ZCWPW1: variants seen among roughly 807,000 people sequenced by gnomAD.
ZCWPW1 encodes zinc finger CW-type PWWP domain protein 1.
A neutral mutation model predicts 81.3 loss-of-function variants in ZCWPW1; 56 were observed. The ratio of observed to expected loss-of-function variants is 0.69; its 90% CI spans 0.56 to 0.86. ZCWPW1 has a LOEUF of 0.86. Among genes scored for constraint, ZCWPW1 ranks in the 40% least tolerant of loss-of-function variants. The pLI is 0.00. For missense variants in ZCWPW1, 650 were observed against 769.8 expected (o/e 0.84, Z 1.84); for synonymous variants, 250 against 273.7 (o/e 0.91, Z 0.86).
intron 1 of ZCWPW1, among the ~76,000 whole-genome samples, chr7:100,425,975 C>A (rs575832938): frequency 9.8e-5 from 15 of 152,308 alleles, no homozygotes; most frequent in Admixed American, 7.8e-4. Flanking sequence ...AGTTTGAGAA[C>A]TGACCTAGTG....
At chr7:100,425,607 C>T (rs1220402297) in intron 1 of ZCWPW1, among the ~76,000 whole-genome samples, 1 of 152,196 alleles carries the variant, frequency 6.6e-6, no homozygotes, top group East Asian at 1.9e-4. Context: ...TTTCCAACTA[C>T]CTATCTGTAT....
chr7:100,427,579 G>T (rs1797882914), intron 1 of ZCWPW1, among the ~76,000 whole-genome samples: 1 of 151,770 alleles, frequency 6.6e-6, no homozygotes, highest in South Asian at 2.1e-4. Flanking sequence ...GGCGCCTGTA[G>T]TCCCAGCTCC....
rs1796221478 is a variant in ZCWPW1 at position 100,420,826 on chromosome 7, AG to A, written c.-29-149del. 2.8e-5 allele frequency: 19 copies of A among 689,846 alleles called. 1 individual carries two copies. The South Asian group carries it at 3.3e-4, about 12-fold the overall frequency. The allele number at this position is 689,846 out of a possible 1,614,324, so 42.7% of individuals were successfully genotyped here. A position where few individuals can be genotyped will look rare whatever the true frequency, so the allele number is the denominator to read the frequency against. On this transcript the variant is annotated intron_variant, in intron 2 of 17. Coordinates refer to ENST00000684423, the MANE Select transcript of ZCWPW1 (RefSeq NM_001386010.1). ...TCCTCTGTGGTGCCAATTACACACC[AG>A]GGAATAATGAGTTACTGTTTTAAAG...
chr7:100,406,899 G>A (rs948334170), intron 11 of ZCWPW1, 101 bp from the exon 12 acceptor site: 16 of 1,061,526 alleles, frequency 1.5e-5, no homozygotes, highest in African/African-American at 1.4e-4. Flanking sequence ...CCAGAAGGAG[G>A]TGCTGGGCCT....
chr7:100,411,086 T>C (rs1017912617), intron 8 of ZCWPW1, among the ~76,000 whole-genome samples: 2 of 152,160 alleles, frequency 1.3e-5, no homozygotes, highest in Non-Finnish European at 2.9e-5. Flanking sequence ...ATATTCACTA[T>C]TTATTTATCA....
Position 100,401,740 on chromosome 7 carries a change from G to A in ZCWPW1, c.1627+149C>T, listed in dbSNP as rs529746415. The A allele has an allele frequency of 6.8e-6, 7 of 1,037,012 alleles. No individual in the cohort carries two copies. The South Asian group carries it at 1.0e-4, about 15-fold the overall frequency. The allele number at this position is 1,037,012 out of a possible 1,614,324, so 64.2% of individuals were successfully genotyped here. On this transcript the variant is annotated intron_variant, in intron 17 of 17. Transcript: ENST00000684423. ...TCATTCTGTTTCTATAGTGTGTGCT[G>A]GGTGCAGTCCGAGACGCTCTTTCAT...
At position 100,405,032 on chromosome 7, in the gene ZCWPW1, G is replaced by T; in HGVS notation, c.1235C>A (p.Ala412Glu). ...LGVALMMAQE[A>E]EQISIQERVN... ...TCCCACCTGAATGCTGATCTGTTCTGCCTCTTGAGCCATCATCAGGGCCAC... is the reference window on the plus strand; with the variant it reads ...TCCCACCTGAATGCTGATCTGTTCTTCCTCTTGAGCCATCATCAGGGCCAC... The change falls in exon 13 of 18, where the codon GCA becomes GAA. Residue 412 changes from alanine to glutamate, a missense_variant. Physicochemically the swap from Ala to Glu is moderately radical, Grantham distance 107. Transcript: ENST00000684423. The T allele has an allele frequency of 6.2e-7, 1 of 1,613,564 alleles. No homozygotes were observed.
intron 15 of ZCWPW1, 119 bp downstream of exon 15, chr7:100,403,574 AG>A: frequency 1.3e-6 from 1 of 753,270 alleles, no homozygotes; most frequent in South Asian, 1.7e-5. Context: ...CTGTAATCCC[AG>A]CACTTTGGAA....
chr7:100,419,111 C>T lies in ZCWPW1; in HGVS notation c.361G>A (p.Gly121Arg), dbSNP rs756633395. Residue 121 changes from glycine to arginine, a missense_variant and splice_region_variant, in exon 5 of 18, where the codon GGG (glycine) becomes AGG (arginine). Coordinates refer to ENST00000684423, the MANE Select transcript of ZCWPW1 (RefSeq NM_001386010.1). ...VLQKSLQECL[G>R]MGSGLDFAET... ...CTTTTTCTCTTACTACATGCCATACCCAAGCACTCCTGAAGGGACTTCTGC... is the reference window on the plus strand; with the variant it reads ...CTTTTTCTCTTACTACATGCCATACTCAAGCACTCCTGAAGGGACTTCTGC... The T allele has an allele frequency of 6.2e-7, 1 of 1,612,844 alleles. No individual in the cohort carries two copies. The highest frequency in any genetic ancestry group is 1.3e-5 in the African/African-American group (1 of 74,926).
At chr7:100,409,627 C>A in intron 8 of ZCWPW1, 83 bp from the exon 9 acceptor site, 1 of 965,488 alleles carries the variant, frequency 1.0e-6, no homozygotes, top group East Asian at 2.6e-5. Flanking sequence ...ATAACCCTCC[C>A]AACTCCCAGA....
chr7:100,418,336 G>C (rs1191608241), intron 5 of ZCWPW1, among the ~76,000 whole-genome samples: 1 of 152,166 alleles, frequency 6.6e-6, no homozygotes, highest in African/African-American at 2.4e-5. Flanking sequence ...TAAATACATG[G>C]AAACGAATTT....
chr7:100,412,273 G>C (rs1459742046), intron 8 of ZCWPW1, among the ~76,000 whole-genome samples: 1 of 152,192 alleles, frequency 6.6e-6, no homozygotes, highest in Non-Finnish European at 1.5e-5. Flanking sequence ...TTCTGAGCTC[G>C]AGATTCCTAA....
chr7:100,408,040 T>A (rs1584252118), intron 10 of ZCWPW1, among the ~76,000 whole-genome samples: 1 of 152,304 alleles, frequency 6.6e-6, no homozygotes, highest in East Asian at 1.9e-4. Context: ...AACCTCTGCC[T>A]CCCGGATTCA....
chr7:100,401,520 G>A (rs183560281), intron 17 of ZCWPW1, among the ~76,000 whole-genome samples, 184 bp from the exon 18 acceptor site: 1 of 152,304 alleles, frequency 6.6e-6, no homozygotes, highest in East Asian at 1.9e-4. Context: ...CTAGTCACCA[G>A]CCTTGAGCAC....
At chr7:100,427,908 A>C (rs1584310244) in intron 1 of ZCWPW1, among the ~76,000 whole-genome samples, 9 of 143,060 alleles carry the variant, frequency 6.3e-5, no homozygotes, top group Admixed American at 1.4e-4. Context: ...CCTTCCTCCC[A>C]CCATGAGGGA....
chr7:100,402,237 T>A (rs528750921), intron 16 of ZCWPW1, 196 bp from the exon 17 acceptor site: 20 of 803,038 alleles, frequency 2.5e-5, no homozygotes, highest in East Asian at 4.9e-5. Flanking sequence ...CCCCTGGATC[T>A]TCTTCTCTTT....
At chr7:100,416,600 T>A in intron 6 of ZCWPW1, 144 bp from the exon 7 acceptor site, 2 of 798,422 alleles carry the variant, frequency 2.5e-6, no homozygotes, top group Non-Finnish European at 3.9e-6. Context: ...TCTACTTGCC[T>A]ATTTTTCCCA....
At chr7:100,403,442 C>G (rs1792342965) in intron 15 of ZCWPW1, among the ~76,000 whole-genome samples, 2 of 152,018 alleles carry the variant, frequency 1.3e-5, no homozygotes. Context: ...GTCTCGATCT[C>G]CTGACCTCGT....
At position 100,416,803 on chromosome 7, in the gene ZCWPW1, G is replaced by A. The variant is rs552436761; in HGVS notation, c.479+263C>T. ...CTACTAAAAAGTATAAAAATTAGCC[G>A]GGTGTGGTGGCAGGCGCCTGTAATC... is the stretch of plus-strand genomic sequence containing the variant. On this transcript the variant is annotated intron_variant, in intron 6 of 17. Coordinates refer to ENST00000684423, the MANE Select transcript of ZCWPW1 (RefSeq NM_001386010.1). Among the ~76,000 whole-genome samples, 10 of 152,160 alleles carry A rather than the reference G, an allele frequency of 6.6e-5. No individual in the cohort carries two copies. The East Asian group carries it at 1.2e-3, about 18-fold the overall frequency.
Sources: allele counts gnomAD v4.1 joint callset (sites outside exome capture counted in the v4.1 genomes callset), GRCh38; gene constraint gnomAD v4.1.1; transcripts MANE v1.5; gene names NCBI Gene and HGNC (gene_info 2026-07-23, HGNC 2026-07-21).